Variants in RYR2 observed in about 807,000 individuals in gnomAD.
RYR2 encodes ryanodine receptor 2, also known as cardiac muscle ryanodine receptor-calcium release channel.
A neutral mutation model predicts 601.1 loss-of-function variants in RYR2; 227 were observed. That is an observed-to-expected ratio of 0.38 (90% CI 0.34 to 0.42). The LOEUF is 0.42. Among genes scored for constraint, RYR2 ranks in the 10% least tolerant of loss-of-function variants. RYR2 has a pLI of 1.00. For missense variants in RYR2, 4,646 were observed against 6,156.5 expected (o/e 0.75, Z 8.21); for synonymous variants, 2,223 against 2,175.1 (o/e 1.02, Z -0.61).
At chr1:237,096,253 G>A (rs1667496177) in intron 1 of RYR2, among the ~76,000 whole-genome samples, 1 of 152,180 alleles carries the variant, frequency 6.6e-6, no homozygotes, top group African/African-American at 2.4e-5. Flanking sequence ...GCCAGTCTGG[G>A]AAATCTCTTC....
intron 44 of RYR2, 129 bp from the exon 45 acceptor site, chr1:237,638,228 G>A (rs1350847132): frequency 8.6e-7 from 1 of 1,158,136 alleles, no homozygotes; most frequent in African/African-American, 1.6e-5. Context: ...TATCATGAGA[G>A]CAAAAAGAAT....
At chr1:237,251,633 T>G (rs1218041136) in intron 1 of RYR2, among the ~76,000 whole-genome samples, 1 of 152,194 alleles carries the variant, frequency 6.6e-6, no homozygotes, top group African/African-American at 2.4e-5. Context: ...ATTCATTCCC[T>G]TAGTGATCTC....
intron 10 of RYR2, among the ~76,000 whole-genome samples, chr1:237,402,748 C>T (rs1348673103): frequency 3.2e-5 from 2 of 63,370 alleles, no homozygotes; most frequent in Non-Finnish European, 7.5e-5. Context: ...GATTTCATCC[C>T]TACAAAAAAA....
rs926163604 is a variant in RYR2, at chr1:237,180,086, C to T, written c.49-90411C>T. 3.3e-5 allele frequency among the ~76,000 whole-genome samples: 5 copies of T among 151,946 alleles called. No homozygotes were observed. The highest frequency in any genetic ancestry group is 1.3e-4 in the Admixed American group (2 of 15,266). ...GAGACCCGACTTACTGAGCCATGTC[C>T]GTGTCGTCCTGTTGGTAAGGGCTGT... On this transcript the variant is annotated intron_variant, in intron 1 of 104. Transcript: ENST00000366574. This position sits in a 1 kb window ranked among gnomAD's most constrained non-coding sequence, Gnocchi z 5.3.
intron 58 of RYR2, among the ~76,000 whole-genome samples, chr1:237,669,689 T>A (rs1480014690): frequency 7.4e-6 from 1 of 134,246 alleles, no homozygotes; most frequent in Admixed American, 7.3e-5. Context: ...TCTCAGAGGA[T>A]GGGCGGCCGG....
intron 1 of RYR2, among the ~76,000 whole-genome samples, chr1:237,219,241 C>A (rs578084809): frequency 5.3e-5 from 8 of 152,202 alleles, no homozygotes; most frequent in African/African-American, 1.9e-4. Context: ...TGGTCTCGAA[C>A]TCCTGACCTC....
At position 237,150,567 on chromosome 1, in the gene RYR2, C is replaced by G. The variant is rs566794824; in HGVS notation, c.48+107998C>G. Among the ~76,000 whole-genome samples, 162 of 152,192 alleles carry G rather than the reference C, an allele frequency of 1.1e-3. 1 individual carries two copies. The highest frequency in any genetic ancestry group is 3.7e-3 in the African/African-American group (153 of 41,524). The stretch of plus-strand genomic sequence containing the variant: ...AAAGAACTGAAAACAATGACAACAA[C>G]AACAACAAAAACACAAAGAACACAT... On this transcript the variant is annotated intron_variant, in intron 1 of 104. Transcript: ENST00000366574.
chr1:237,632,008 AAC>A (rs1680381846), intron 42 of RYR2, among the ~76,000 whole-genome samples: 1 of 152,054 alleles, frequency 6.6e-6, no homozygotes, highest in South Asian at 2.1e-4. Context: ...TTTTGAAAAA[AAC>A]ACACAAACCT....
At chr1:237,826,346 T>C (rs989330929) in intron 101 of RYR2, among the ~76,000 whole-genome samples, 4 of 152,144 alleles carry the variant, frequency 2.6e-5, no homozygotes, top group Non-Finnish European at 5.9e-5. Context: ...AAAAAAAGGA[T>C]GATTTCATGT....
At chr1:237,540,412 T>C (rs1290377005) in intron 25 of RYR2, among the ~76,000 whole-genome samples, 2 of 152,122 alleles carry the variant, frequency 1.3e-5, no homozygotes, top group Admixed American at 6.6e-5. Context: ...CTTGAGTGTT[T>C]AAAAGCCTAT....
At chr1:237,524,737 TGTATATACAG>T (rs1667405264) in intron 24 of RYR2, among the ~76,000 whole-genome samples, 1 of 151,938 alleles carries the variant, frequency 6.6e-6, no homozygotes, top group South Asian at 2.1e-4. Context: ...TAGACATATA[TGTATATACAG>T]ATATATATAG....
At position 237,063,377 on chromosome 1, in the gene RYR2, T is replaced by C. The variant is rs573732020; in HGVS notation, c.48+20808T>C. 7.9e-5 allele frequency among the ~76,000 whole-genome samples: 12 copies of C among 152,360 alleles called. No homozygotes were observed. In the South Asian group the frequency reaches 2.5e-3, roughly 32 times the overall value. On this transcript the variant is annotated intron_variant, in intron 1 of 104. Transcript: ENST00000366574. ...TTGCCTTTCTTTAGATTAATATTTA[T>C]TAACAAGCTTCTATTAGCTTGTGAG...
chr1:237,276,360 A>G (rs1041682990), intron 2 of RYR2, among the ~76,000 whole-genome samples: 2 of 152,188 alleles, frequency 1.3e-5, no homozygotes, highest in African/African-American at 4.8e-5. Flanking sequence ...TTGGCCTCCC[A>G]AAGTGCTGAG....
chr1:237,133,486 G>C (rs910937571), intron 1 of RYR2, among the ~76,000 whole-genome samples: 4 of 152,174 alleles, frequency 2.6e-5, no homozygotes, highest in African/African-American at 9.7e-5. Flanking sequence ...TGAGTTATTT[G>C]TTGGAAGTTG....
At chr1:237,702,284 C>T (rs1449099507) in intron 66 of RYR2, among the ~76,000 whole-genome samples, 2 of 152,156 alleles carry the variant, frequency 1.3e-5, no homozygotes, top group African/African-American at 4.8e-5. Flanking sequence ...ATGGTAAAGA[C>T]TACACTTAAT....
chr1:237,817,601 AATGAGT>A (rs1661975372), intron 100 of RYR2, among the ~76,000 whole-genome samples: 2 of 152,202 alleles, frequency 1.3e-5, no homozygotes, highest in Non-Finnish European at 2.9e-5. Context: ...TGGAAATAGA[AATGAGT>A]ATAATTGGCA....
At chr1:237,103,679 C>A (rs1463504123) in intron 1 of RYR2, among the ~76,000 whole-genome samples, 3 of 152,236 alleles carry the variant, frequency 2.0e-5, no homozygotes, top group Non-Finnish European at 4.4e-5. Context: ...AGTGATTCTC[C>A]TGCCTCAGCC....
chr1:237,464,516 C>T (rs1659844192), intron 16 of RYR2, among the ~76,000 whole-genome samples: 1 of 151,938 alleles, frequency 6.6e-6, no homozygotes, highest in Non-Finnish European at 1.5e-5. Flanking sequence ...TCTTCTTCCA[C>T]CTTATTTTGG....
intron 2 of RYR2, among the ~76,000 whole-genome samples, chr1:237,309,676 A>AG (rs1162276312): frequency 6.6e-6 from 1 of 152,088 alleles, no homozygotes; most frequent in East Asian, 1.9e-4. Flanking sequence ...GCCATGGAGC[A>AG]GGGGGCGGCG....
Sources: allele counts gnomAD v4.1 joint callset (sites outside exome capture counted in the v4.1 genomes callset), GRCh38; gene constraint gnomAD v4.1.1; non-coding constraint Gnocchi (gnomAD v3.1); transcripts MANE v1.5; gene names NCBI Gene and HGNC (gene_info 2026-07-23, HGNC 2026-07-21).